Variants in GINM1 observed in about 807,000 individuals in gnomAD.
The protein encoded by GINM1 is glycosylated integral membrane protein 1, also known as glycoprotein integral membrane protein 1.
In GINM1, 29 loss-of-function variants were observed where a neutral mutation model predicts 37.8. That is an observed-to-expected ratio of 0.77 (90% CI 0.57 to 1.05). The LOEUF (loss-of-function observed/expected upper bound fraction) is 1.05, where lower values mean the gene tolerates loss of function less well. Among genes scored for constraint, GINM1 ranks in the 50% least tolerant of loss-of-function variants. GINM1 has a pLI of 0.00. For missense variants in GINM1, 377 were observed against 397.9 expected, an observed-to-expected ratio of 0.95 and a Z score of 0.45; for synonymous variants, 143 against 146.2, an observed-to-expected ratio of 0.98 and a Z score of 0.16.
At chr6:149,580,814 G>A in intron 6 of GINM1, 91 bp downstream of exon 6, 1 of 1,131,270 alleles carries the variant, frequency 8.8e-7, no homozygotes, top group Non-Finnish European at 1.3e-6. Flanking sequence ...AAATCCTGAA[G>A]AATGGAACTG....
intron 6 of GINM1, chr6:149,582,184 C>T (rs1778012463): frequency 1.8e-6 from 1 of 553,058 alleles, no homozygotes; most frequent in African/African-American, 1.9e-5. Flanking sequence ...ATTTTACAGG[C>T]TATTAACATT....
intron 7 of GINM1, among the ~76,000 whole-genome samples, chr6:149,584,826 T>TAGAGAG (rs138596800): frequency 3.4e-5 from 5 of 148,276 alleles, no homozygotes; most frequent in African/African-American, 1.2e-4. Flanking sequence ...TATATATATA[T>TAGAGAG]AGAGAGAGAG....
chr6:149,582,273 AT>A, intron 6 of GINM1, 166 bp from the exon 7 acceptor site: 1 of 637,258 alleles, frequency 1.6e-6, no homozygotes, highest in South Asian at 1.9e-5. Context: ...TAAAATCACC[AT>A]TTAAAATATA....
At chr6:149,582,037 C>G (rs1297216751) in intron 6 of GINM1, 1 of 472,066 alleles carries the variant, frequency 2.1e-6, no homozygotes, top group Non-Finnish European at 4.4e-6. Context: ...GTTTGTCTTT[C>G]TCTTCCTTCT....
At position 149,566,776 on chromosome 6, in the gene GINM1, C is replaced by T. The variant is rs1406487368; in HGVS notation, c.120+242C>T. On this transcript the variant is annotated intron_variant, in intron 1 of 7. Coordinates refer to ENST00000367419, the MANE Select transcript of GINM1 (RefSeq NM_138785.5). This position sits in a 1 kb window ranked among gnomAD's most constrained non-coding sequence, Gnocchi z 4.4. ...AGCCTCGAGCCACTCCACACCGACT[C>T]TCCGGCGGCCCAAGCCGGCGCGCGA... Among the ~76,000 whole-genome samples, 2 of 152,248 alleles carry T rather than the reference C, an allele frequency of 1.3e-5. No individual in the cohort carries two copies. The highest frequency in any genetic ancestry group is 2.9e-5 in the Non-Finnish European group (2 of 68,042).
At chr6:149,573,300 G>A (rs563882426) in intron 3 of GINM1, among the ~76,000 whole-genome samples, 7 of 151,832 alleles carry the variant, frequency 4.6e-5, no homozygotes, top group Non-Finnish European at 7.4e-5. Context: ...GCAAGGCTCC[G>A]TCACAAAAAA....
At chr6:149,584,533 G>T (rs1240847744) in intron 7 of GINM1, 1 of 152,110 alleles carries the variant, frequency 6.6e-6, no homozygotes, top group African/African-American at 2.4e-5. Context: ...CAAAGCACCT[G>T]CAGAGTAAAG....
At chr6:149,582,626 A>G (rs755849018) in intron 7 of GINM1, 23 bp downstream of exon 7, 2 of 1,459,948 alleles carry the variant, frequency 1.4e-6, no homozygotes, top group Admixed American at 4.8e-5. Flanking sequence ...TATTTTTGAA[A>G]TGTTAGTATT....
intron 7 of GINM1, 42 bp downstream of exon 7, chr6:149,582,645 T>C (rs1290996690): frequency 7.5e-7 from 1 of 1,333,752 alleles, no homozygotes; most frequent in African/African-American, 1.5e-5. Context: ...TTTTTAATGA[T>C]TAAAAAGTGA....
rs188645268 is a variant in GINM1 at position 149,588,421 on chromosome 6, T to C, written c.882-2306T>C. Among the ~76,000 whole-genome samples the C allele has an allele frequency of 2.4e-4, 36 of 152,360 alleles. No homozygotes were observed. In the East Asian group the frequency reaches 4.4e-3, roughly 19 times the overall value. ...TATATAAGAGCTCTTTTGTCTGTTA[T>C]ACATATGTAATGCACATTGCAGATT... On this transcript the variant is annotated intron_variant, in intron 7 of 7. Transcript: ENST00000367419.
At chr6:149,590,664 C>T (rs1432174420) in intron 7 of GINM1, 63 bp from the exon 8 acceptor site, 2 of 854,244 alleles carry the variant, frequency 2.3e-6, no homozygotes, top group Non-Finnish European at 3.9e-6. Context: ...CCTTTTCTCA[C>T]TATCAAACTA....
chr6:149,567,817 G>T (rs539885466), intron 1 of GINM1, among the ~76,000 whole-genome samples: 3 of 152,276 alleles, frequency 2.0e-5, no homozygotes, highest in Non-Finnish European at 4.4e-5. Context: ...GTTGCATCTG[G>T]TTAAACAATA....
At chr6:149,590,584 C>A in intron 7 of GINM1, 143 bp from the exon 8 acceptor site, 1 of 560,550 alleles carries the variant, frequency 1.8e-6, no homozygotes. Flanking sequence ...TTTGTACAAC[C>A]ACTATGAATT....
chr6:149,574,047 A>ATT (rs35023561), intron 3 of GINM1, among the ~76,000 whole-genome samples: 9 of 129,340 alleles, frequency 7.0e-5, no homozygotes, highest in Non-Finnish European at 9.5e-5. Flanking sequence ...TATACATAGG[A>ATT]TTTTTTTTTT....
intron 1 of GINM1, among the ~76,000 whole-genome samples, chr6:149,570,136 T>TTATATA (rs549791771): frequency 2.0e-4 from 9 of 45,820 alleles, no homozygotes; most frequent in Non-Finnish European, 3.1e-4. Flanking sequence ...TAGGTAGGTT[T>TTATATA]TATATATATA....
At chr6:149,573,619 G>T (rs1777864270) in intron 3 of GINM1, among the ~76,000 whole-genome samples, 4 of 152,092 alleles carry the variant, frequency 2.6e-5, no homozygotes, top group African/African-American at 9.7e-5. Context: ...GGCGGCTCTA[G>T]CACTTTGGGA....
rs959582297 is a variant in GINM1, at chr6:149,590,996, A to T, written c.*158A>T. 1 of 560,422 alleles carries T rather than the reference A, an allele frequency of 1.8e-6. No individual in the cohort carries two copies. The allele number at this position is 560,422 out of a possible 1,614,324, so 34.7% of individuals were successfully genotyped here. On this transcript the variant is annotated 3_prime_UTR_variant, in exon 8 of 8. Transcript: ENST00000367419. ...AATTGACCTTTACAGTGCCAAGTTA[A>T]AGTTTACCTTATTCTCGGCCGGGTG...
rs1777986578 is a variant in GINM1 at position 149,580,693 on chromosome 6, T to C, written c.687T>C (p.Pro229=). Residue 229 remains proline (P), a synonymous_variant, in exon 6 of 8, where the codon CCT becomes CCC. Coordinates refer to ENST00000367419, the MANE Select transcript of GINM1 (RefSeq NM_138785.5). Reference sequence around the variant, plus strand: ...TACCTGGCAAGTTACCTGAAACTCCTCTCAGAGCAGAGCCGCCATCTTCAT... The same window carrying C: ...TACCTGGCAAGTTACCTGAAACTCCCCTCAGAGCAGAGCCGCCATCTTCAT... ...DVLPGKLPET[P]LRAEPPSSYK... 6.2e-7 allele frequency: 1 copy of C among 1,613,762 alleles called. No homozygotes were observed. Among genetic ancestry groups the C allele is most frequent in the Non-Finnish European group, 8.5e-7 (1 of 1,179,762 alleles).
chr6:149,581,778 T>C (rs1158045739), intron 6 of GINM1, among the ~76,000 whole-genome samples: 2 of 152,176 alleles, frequency 1.3e-5, no homozygotes, highest in Non-Finnish European at 1.5e-5. Flanking sequence ...GCAGGGTCTA[T>C]GGTTGGTATT....
Sources: allele counts gnomAD v4.1 joint callset (sites outside exome capture counted in the v4.1 genomes callset), GRCh38; gene constraint gnomAD v4.1.1; non-coding constraint Gnocchi (gnomAD v3.1); transcripts MANE v1.5; gene names NCBI Gene and HGNC (gene_info 2026-07-23, HGNC 2026-07-21).